Variants in CNTNAP5 observed in about 807,000 individuals in gnomAD.
The protein encoded by CNTNAP5 is contactin associated protein family member 5, also known as contactin-associated protein-like 5.
In CNTNAP5, 72 loss-of-function variants were observed where a neutral mutation model predicts 150.2. That is an observed-to-expected ratio of 0.48 (90% CI 0.40 to 0.58). The LOEUF is 0.58. Ranked by LOEUF, CNTNAP5 falls within the 20% of genes least tolerant of loss-of-function variation. The probability of loss-of-function intolerance (pLI) is 0.00; values close to 1 mark genes in which losing one functional copy is unlikely to be tolerated. For synonymous variants in CNTNAP5, 672 were observed against 619.8 expected, an observed-to-expected ratio of 1.08 and a Z score of -1.25; for missense variants, 1,636 against 1,626.2, an observed-to-expected ratio of 1.01 and a Z score of -0.10.
At chr2:124,283,010 T>G (rs1688052716) in intron 3 of CNTNAP5, among the ~76,000 whole-genome samples, 1 of 150,166 alleles carries the variant, frequency 6.7e-6, no homozygotes, top group Non-Finnish European at 1.5e-5. Context: ...TTTTTTTTTT[T>G]GACCTACTTT....
intron 6 of CNTNAP5, among the ~76,000 whole-genome samples, chr2:124,456,998 G>A (rs1693134844): frequency 6.6e-6 from 1 of 152,196 alleles, no homozygotes; most frequent in Non-Finnish European, 1.5e-5. Flanking sequence ...TCTAGACATT[G>A]GCTTGGGCAA....
chr2:124,403,846 G>C (rs572872373), intron 3 of CNTNAP5, among the ~76,000 whole-genome samples: 4 of 152,316 alleles, frequency 2.6e-5, no homozygotes, highest in Admixed American at 2.6e-4. Flanking sequence ...AGAAGGCTAA[G>C]AAGGACCAAA....
intron 1 of CNTNAP5, among the ~76,000 whole-genome samples, chr2:124,188,432 A>G (rs1024551480): frequency 7.9e-5 from 12 of 152,138 alleles, no homozygotes; most frequent in African/African-American, 2.4e-4. Flanking sequence ...ACAAAAAGAA[A>G]GAAGGGGCCG....
intron 3 of CNTNAP5, among the ~76,000 whole-genome samples, chr2:124,254,303 C>T (rs1687255501): frequency 6.6e-6 from 1 of 152,114 alleles, no homozygotes; most frequent in African/African-American, 2.4e-5. Context: ...TTCAAAATAT[C>T]CCAGCTCCTG....
At chr2:124,811,090 A>G (rs1398993281) in intron 19 of CNTNAP5, among the ~76,000 whole-genome samples, 14 of 149,492 alleles carry the variant, frequency 9.4e-5, no homozygotes, top group Non-Finnish European at 1.5e-5. Context: ...CAGACAAACA[A>G]TAAGGACTTT....
intron 1 of CNTNAP5, among the ~76,000 whole-genome samples, chr2:124,184,695 G>T (rs1028819282): frequency 6.6e-6 from 1 of 152,168 alleles, no homozygotes; most frequent in Non-Finnish European, 1.5e-5. Flanking sequence ...GTGCTAAAGT[G>T]CAGGATGTGG....
intron 2 of CNTNAP5, among the ~76,000 whole-genome samples, chr2:124,229,597 G>A (rs555043715): frequency 1.3e-5 from 2 of 152,292 alleles, no homozygotes; most frequent in Admixed American, 1.3e-4. Flanking sequence ...AACTTAGGTT[G>A]CCAACTCAAT....
intron 10 of CNTNAP5, among the ~76,000 whole-genome samples, chr2:124,533,809 G>A (rs920334060): frequency 1.3e-5 from 2 of 152,180 alleles, no homozygotes; most frequent in African/African-American, 4.8e-5. Flanking sequence ...CCTCAGTGAG[G>A]AGTATTTCGG....
chr2:124,828,562 C>T (rs1446691189), intron 19 of CNTNAP5, among the ~76,000 whole-genome samples: 2 of 151,562 alleles, frequency 1.3e-5, no homozygotes, highest in African/African-American at 2.4e-5. Flanking sequence ...TTTGCCATAT[C>T]GTAGGTTTTC....
intron 21 of CNTNAP5, among the ~76,000 whole-genome samples, chr2:124,875,110 AT>A (rs1017165518): frequency 6.6e-6 from 1 of 152,012 alleles, no homozygotes; most frequent in African/African-American, 2.4e-5. Flanking sequence ...GGGTTCTTTA[AT>A]TCTCCCCAAT....
intron 1 of CNTNAP5, among the ~76,000 whole-genome samples, chr2:124,150,270 C>A (rs963280785): frequency 2.6e-5 from 4 of 152,288 alleles, no homozygotes; most frequent in Non-Finnish European, 2.9e-5. Flanking sequence ...TGAAATGCAG[C>A]AACATATAGT....
At chr2:124,527,019 A>G (rs964647160) in intron 9 of CNTNAP5, among the ~76,000 whole-genome samples, 2 of 152,178 alleles carry the variant, frequency 1.3e-5, no homozygotes, top group Non-Finnish European at 2.9e-5. Context: ...CAATGGAAAA[A>G]CAAAGTAAGA....
chr2:124,654,775 C>T (rs934035239), intron 13 of CNTNAP5, among the ~76,000 whole-genome samples: 1 of 151,960 alleles, frequency 6.6e-6, no homozygotes, highest in African/African-American at 2.4e-5. Context: ...TAACCACCCC[C>T]CGCCTCCACA....
chr2:124,801,596 G>A lies in CNTNAP5; in HGVS notation c.3217+3276G>A, dbSNP rs191459843. ...AGTTTCTTCCCAAGTCTTAGATTTT[G>A]TGATTCTTTATTCCCTTCTTGTGTA... On this transcript the variant is annotated intron_variant, in intron 19 of 23. Coordinates refer to ENST00000682447, the MANE Select transcript of CNTNAP5 (RefSeq NM_001367498.1). 5.3e-3 allele frequency among the ~76,000 whole-genome samples: 811 copies of A among 152,232 alleles called. 7 individuals are homozygous for A. The highest frequency in any genetic ancestry group is 7.0e-3 in the Non-Finnish European group (476 of 68,006).
chr2:124,868,186 C>G (rs969589027), intron 20 of CNTNAP5, among the ~76,000 whole-genome samples: 1 of 152,096 alleles, frequency 6.6e-6, no homozygotes, highest in South Asian at 2.1e-4. Flanking sequence ...TCAGAGTGAT[C>G]CTGGTGAAGG....
rs185130455 is a variant in CNTNAP5, at chr2:124,446,771, T to C, written c.752T>C (p.Leu251Pro). 4,638 of 1,613,702 alleles carry C rather than the reference T, an allele frequency of 2.9e-3. 9 individuals carry two copies. The highest frequency in any genetic ancestry group is 3.5e-3 in the Non-Finnish European group (4,184 of 1,179,738). ...HLNLGDSKAR[L>P]SSSLPSATLG... ...TTCACAGGTGACAGCAAAGCGCGGC[T>C]CAGCAGCAGCTTGCCCTCTGCCACC... is the stretch of plus-strand genomic sequence containing the variant. Residue 251 changes from leucine (L) to proline (P), a missense_variant, in exon 6 of 24, where the codon CTC (leucine) becomes CCC (proline). Leu to Pro is a moderately conservative substitution (Grantham distance 98). Coordinates refer to ENST00000682447, the MANE Select transcript of CNTNAP5 (RefSeq NM_001367498.1).
intron 19 of CNTNAP5, among the ~76,000 whole-genome samples, chr2:124,817,950 T>C (rs1328878036): frequency 2.0e-5 from 3 of 152,148 alleles, no homozygotes; most frequent in Admixed American, 6.5e-5. Flanking sequence ...ACCATGTAAC[T>C]GCCTTTCTAG....
At chr2:124,868,753 T>C (rs563237197) in intron 20 of CNTNAP5, among the ~76,000 whole-genome samples, 27 of 152,208 alleles carry the variant, frequency 1.8e-4, no homozygotes, top group Admixed American at 1.5e-3. Flanking sequence ...GGGAGGACTA[T>C]GTATGAGTCC....
intron 3 of CNTNAP5, among the ~76,000 whole-genome samples, chr2:124,363,580 C>T (rs1199159787): frequency 6.6e-6 from 1 of 152,072 alleles, no homozygotes; most frequent in African/African-American, 2.4e-5. Context: ...AAAATATAAA[C>T]AGAATTATTT....
Sources: gnomAD v4.1 joint callset for allele counts (sites outside exome capture counted in the v4.1 genomes callset) on GRCh38, gnomAD v4.1.1 for gene constraint, MANE v1.5 for transcripts, NCBI Gene and HGNC (gene_info 2026-07-23, HGNC 2026-07-21) for gene names.